Variants in SESN1 observed in about 807,000 individuals in gnomAD.
SESN1 encodes the protein sestrin 1, also known as sestrin-1.
SESN1 carries 30 observed loss-of-function variants against 59.3 expected under a neutral mutation model. The ratio of observed to expected loss-of-function variants is 0.51; its 90% CI spans 0.38 to 0.69. The LOEUF (loss-of-function observed/expected upper bound fraction) is 0.69. SESN1 is among the 30% of genes least tolerant of loss of function. The pLI is 0.00. For synonymous variants in SESN1, 197 were observed against 219.9 expected, an observed-to-expected ratio of 0.90 and a Z score of 0.92; for missense variants, 566 against 673.0, an observed-to-expected ratio of 0.84 and a Z score of 1.76.
At chr6:109,008,894 CTCTTT>C (rs1242604383) in intron 1 of SESN1, 48 of 986,414 alleles carry the variant, frequency 4.9e-5, no homozygotes, top group East Asian at 1.1e-4. Context: ...TTCTTTCTCT[CTCTTT>C]TAAGTAGGAG....
At chr6:109,014,404 C>T (rs1779902368) in intron 1 of SESN1, among the ~76,000 whole-genome samples, 1 of 152,112 alleles carries the variant, frequency 6.6e-6, no homozygotes, top group Admixed American at 6.5e-5. Flanking sequence ...GGCAACTTGA[C>T]CAAAGTTATA....
At chr6:109,059,456 T>C (rs1460447259) in intron 1 of SESN1, 3 of 152,184 alleles carry the variant, frequency 2.0e-5, no homozygotes, top group Non-Finnish European at 4.4e-5. Flanking sequence ...CCATAATGGC[T>C]ATATATAAAA....
chr6:109,025,747 A>G lies in SESN1; in HGVS notation c.280-23404T>C, dbSNP rs72613248. 0.012 allele frequency among the ~76,000 whole-genome samples: 1,784 copies of G among 152,202 alleles called. 93 individuals carry two copies. In the East Asian group the frequency reaches 0.17, roughly 15 times the overall value. ...AGCTGAAAATTATTAGTAAACTAGAAAGTAAATCTGAAGAGTCCAGAATAT... is the reference window on the plus strand; with the variant it reads ...AGCTGAAAATTATTAGTAAACTAGAGAGTAAATCTGAAGAGTCCAGAATAT... On this transcript the variant is annotated intron_variant, in intron 1 of 9. Coordinates refer to ENST00000436639, the MANE Select transcript of SESN1 (RefSeq NM_014454.3).
chr6:109,000,635 C>T lies in SESN1; in HGVS notation c.585G>A (p.Leu195=), dbSNP rs142355014. The part of the protein sequence containing the change: ...ARHQCSYLVN[L]HVNDFLHVGG... ...CAACATGAAGGAAATCATTTACATGCAGGTTCACTAAGTAGGAGCACTGAT... is the reference window on the plus strand; with the variant it reads ...CAACATGAAGGAAATCATTTACATGTAGGTTCACTAAGTAGGAGCACTGAT... Residue 195 remains leucine, a synonymous_variant, in exon 4 of 10, where the codon CTG becomes CTA. Transcript: ENST00000436639. 1.1e-5 allele frequency: 18 copies of T among 1,610,110 alleles called. No homozygotes were observed. Among genetic ancestry groups the T allele is most frequent in the African/African-American group, 2.7e-5 (2 of 74,802 alleles).
Position 108,994,879 on chromosome 6 carries a change from T to G in SESN1, c.973-270A>C, listed in dbSNP as rs150652269. On this transcript the variant is annotated intron_variant, in intron 5 of 9. Coordinates refer to ENST00000436639, the MANE Select transcript of SESN1 (RefSeq NM_014454.3). ...CACCATGCCCGGCTAATTTTTTGTG[T>G]TTTTTAGTAGAGACGGGGTTTCACC... is the stretch of plus-strand genomic sequence containing the variant. Among the ~76,000 whole-genome samples the G allele has an allele frequency of 9.4e-3, 1,422 of 151,906 alleles. 86 individuals carry two copies. In the East Asian group the frequency reaches 0.18, roughly 19 times the overall value.
Position 108,987,362 on chromosome 6 carries a change from CA to C in SESN1, c.*181del. ...TTCACAGCTCTAAACTTGAAGCTGC[CA>C]AACAGTCACTGCTTGTGCCAGCAGT... is the stretch of plus-strand genomic sequence containing the variant. On this transcript the variant is annotated 3_prime_UTR_variant, in exon 10 of 10. Coordinates refer to ENST00000436639, the MANE Select transcript of SESN1 (RefSeq NM_014454.3). 1 of 493,202 alleles carries C rather than the reference CA, an allele frequency of 2.0e-6. No homozygotes were observed. The highest frequency in any genetic ancestry group is 3.6e-6 in the Non-Finnish European group (1 of 278,130). 30.6% of individuals were successfully genotyped at this position (493,202 alleles called of 1,614,324 possible).
At chr6:109,076,397 G>A (rs1429656651) in intron 1 of SESN1, among the ~76,000 whole-genome samples, 1 of 152,104 alleles carries the variant, frequency 6.6e-6, no homozygotes, top group Non-Finnish European at 1.5e-5. Flanking sequence ...TAACATTCTA[G>A]GGAAATTTCA....
intron 1 of SESN1, among the ~76,000 whole-genome samples, chr6:109,065,847 T>G (rs1371849840): frequency 6.6e-6 from 1 of 151,912 alleles, no homozygotes; most frequent in Non-Finnish European, 1.5e-5. Flanking sequence ...ATACCTTTTC[T>G]CTATTATAAT....
At chr6:109,059,800 A>G (rs955351461) in intron 1 of SESN1, among the ~76,000 whole-genome samples, 3 of 152,192 alleles carry the variant, frequency 2.0e-5, no homozygotes, top group African/African-American at 7.2e-5. Flanking sequence ...CCCTTCCAAT[A>G]ACTTACAATA....
chr6:109,024,313 T>C (rs564813654), intron 1 of SESN1, among the ~76,000 whole-genome samples: 67 of 152,240 alleles, frequency 4.4e-4, no homozygotes, highest in Middle Eastern at 6.8e-3. Context: ...ATTAAACTGA[T>C]AGCAGAGAAA....
chr6:109,073,041 G>C (rs1012620939), intron 1 of SESN1, among the ~76,000 whole-genome samples: 3 of 152,092 alleles, frequency 2.0e-5, no homozygotes, highest in African/African-American at 7.2e-5. Flanking sequence ...TCAAGAGGCA[G>C]TATAGTATTG....
chr6:109,004,527 C>CCTGGGT (rs1408424747), intron 1 of SESN1, among the ~76,000 whole-genome samples: 2 of 151,646 alleles, frequency 1.3e-5, no homozygotes, highest in Admixed American at 1.3e-4. Context: ...GCCTCTGCCT[C>CCTGGGT]CTGGGTTCAA....
At chr6:109,001,129 G>A (rs765564497) in intron 3 of SESN1, among the ~76,000 whole-genome samples, 159 bp downstream of exon 3, 110 of 152,216 alleles carry the variant, frequency 7.2e-4, no homozygotes, top group Non-Finnish European at 1.3e-3. Context: ...ATACTTGAGA[G>A]CGTACTTATT....
chr6:109,028,354 T>C (rs1419626549), intron 1 of SESN1, among the ~76,000 whole-genome samples: 1 of 152,202 alleles, frequency 6.6e-6, no homozygotes, highest in Non-Finnish European at 1.5e-5. Flanking sequence ...TACAGATAAC[T>C]TTTTGGAGTA....
chr6:109,093,127 A>G (rs183507419), intron 1 of SESN1, among the ~76,000 whole-genome samples: 1 of 152,306 alleles, frequency 6.6e-6, no homozygotes, highest in African/African-American at 2.4e-5. Flanking sequence ...AAAAACTATA[A>G]TATTTTTAAC....
chr6:109,022,781 AT>A (rs1436386388), intron 1 of SESN1, among the ~76,000 whole-genome samples: 1 of 152,084 alleles, frequency 6.6e-6, no homozygotes, highest in Non-Finnish European at 1.5e-5. Flanking sequence ...TGCTATCTTC[AT>A]TTTAGAAATG....
At position 108,987,310 on chromosome 6, in the gene SESN1, G is replaced by C; in HGVS notation, c.*234C>G. ...ACACAGCATCTTGTACTGTCAAAAA[G>C]CAAAATACTGTGAATGGCAGCCTGT... is the stretch of plus-strand genomic sequence containing the variant. On this transcript the variant is annotated 3_prime_UTR_variant, in exon 10 of 10. Coordinates refer to ENST00000436639, the MANE Select transcript of SESN1 (RefSeq NM_014454.3). 2.3e-6 allele frequency: 1 copy of C among 437,860 alleles called. No homozygotes were observed. The highest frequency in any genetic ancestry group is 4.0e-6 in the Non-Finnish European group (1 of 246,920). 27.1% of individuals were successfully genotyped at this position (437,860 alleles called of 1,614,324 possible). A position where few individuals can be genotyped will look rare whatever the true frequency, so the allele number is the denominator to read the frequency against.
chr6:109,081,842 T>G lies in SESN1; in HGVS notation c.279+11953A>C, dbSNP rs142644009. Among the ~76,000 whole-genome samples, 4 of 152,356 alleles carry G rather than the reference T, an allele frequency of 2.6e-5. No homozygotes were observed. In the East Asian group the frequency reaches 7.7e-4, roughly 29 times the overall value. On this transcript the variant is annotated intron_variant, in intron 1 of 9. Transcript: ENST00000436639. ...CTGTCTGATACAGAAAGCACTGTTTTGAAGACTTTCTGCTTAGTATGTCAA... is the reference window on the plus strand; with the variant it reads ...CTGTCTGATACAGAAAGCACTGTTTGGAAGACTTTCTGCTTAGTATGTCAA...
intron 1 of SESN1, among the ~76,000 whole-genome samples, chr6:109,026,559 C>T (rs1279825374): frequency 6.6e-6 from 1 of 152,008 alleles, no homozygotes; most frequent in African/African-American, 2.4e-5. Context: ...TGCAGTGGCG[C>T]AATCTCGGCT....
Sources: allele counts gnomAD v4.1 joint callset (sites outside exome capture counted in the v4.1 genomes callset), GRCh38; gene constraint gnomAD v4.1.1; transcripts MANE v1.5; gene names NCBI Gene and HGNC (gene_info 2026-07-23, HGNC 2026-07-21).